The following OR3A2 variants were observed in gnomAD, a reference collection of about 807,000 sequenced individuals.
OR3A2 encodes the protein olfactory receptor family 3 subfamily A member 2.
For missense variants in OR3A2, 318 were observed against 392.8 expected (o/e 0.81, Z 1.61); for synonymous variants, 126 against 159.3 (o/e 0.79, Z 1.57).
chr17:3,308,998 C>G (rs551246404), intron 3 of OR3A2, among the ~76,000 whole-genome samples: 1 of 152,104 alleles, frequency 6.6e-6, no homozygotes, highest in Non-Finnish European at 1.5e-5. Context: ...CTCCACCTCC[C>G]AGGTTCAAGC....
At chr17:3,377,550 C>T (rs969625092) in intron 2 of OR3A2, 1 of 152,076 alleles carries the variant, frequency 6.6e-6, no homozygotes, top group Non-Finnish European at 1.5e-5. Context: ...GCGTTTGTTC[C>T]TCGGGCTTTA....
intron 3 of OR3A2, among the ~76,000 whole-genome samples, chr17:3,314,947 C>A (rs1041219424): frequency 6.6e-6 from 1 of 152,286 alleles, no homozygotes; most frequent in Non-Finnish European, 1.5e-5. Context: ...ATTTTATTTT[C>A]TCTTTCTGCA....
intron 2 of OR3A2, among the ~76,000 whole-genome samples, chr17:3,356,740 AACAG>A (rs200671073): frequency 0.019 from 2,867 of 151,704 alleles, 70 homozygotes; most frequent in Middle Eastern, 0.078. Flanking sequence ...TGTCCCACTT[AACAG>A]ACAAAGACTC....
intron 2 of OR3A2, among the ~76,000 whole-genome samples, chr17:3,348,087 G>C (rs1322669592): frequency 6.6e-6 from 1 of 152,014 alleles, no homozygotes; most frequent in Non-Finnish European, 1.5e-5. Context: ...CTTTTTGATG[G>C]GGTTGTTTGT....
At position 3,371,918 on chromosome 17, in the gene OR3A2, C is replaced by A. The variant is rs1424839942; in HGVS notation, c.-179+11886G>T. ...CTCCCGGACGGGGCGGCTGGCCGGG[C>A]GGGGGCTGACCCCCACCTCCCTCCC... On this transcript the variant is annotated intron_variant, in intron 2 of 4. Transcript: ENST00000573491. 5.8e-5 allele frequency among the ~76,000 whole-genome samples: 8 copies of A among 136,800 alleles called. No homozygotes were observed. In the East Asian group the frequency reaches 2.0e-3, roughly 34 times the overall value. 89.7% of individuals were successfully genotyped at this position (136,800 alleles called of 152,430 possible).
At chr17:3,309,979 C>T (rs1344333085) in intron 3 of OR3A2, 1 of 212,080 alleles carries the variant, frequency 4.7e-6, no homozygotes, top group African/African-American at 2.3e-5. Flanking sequence ...CTTGGGGTTT[C>T]CTCCCAGAAC....
intron 3 of OR3A2, among the ~76,000 whole-genome samples, chr17:3,299,194 C>T (rs1178836498): frequency 1.3e-5 from 2 of 152,206 alleles, no homozygotes; most frequent in Non-Finnish European, 2.9e-5. Flanking sequence ...AGTATCCAGA[C>T]AGAGCGTTGT....
chr17:3,299,918 C>A (rs765776094), intron 3 of OR3A2, among the ~76,000 whole-genome samples: 7 of 152,052 alleles, frequency 4.6e-5, no homozygotes, highest in Non-Finnish European at 8.8e-5. Flanking sequence ...AATAAAATGG[C>A]AATCATTAAT....
At chr17:3,287,290 G>T (rs2048822057), upstream of OR3A2, among the ~76,000 whole-genome samples, 1 of 140,572 alleles carries the variant, frequency 7.1e-6, no homozygotes, top group African/African-American at 2.6e-5. Context: ...GTCAGGTCAG[G>T]GTGTTTAGGG....
chr17:3,333,929 CA>C (rs2049258883), intron 3 of OR3A2, among the ~76,000 whole-genome samples: 1 of 152,022 alleles, frequency 6.6e-6, no homozygotes, highest in South Asian at 2.1e-4. Context: ...CCAACCCCAT[CA>C]AAAAGTGGGC....
upstream of OR3A2, among the ~76,000 whole-genome samples, chr17:3,288,773 T>C (rs567745887): frequency 6.6e-6 from 1 of 152,206 alleles, no homozygotes; most frequent in African/African-American, 2.4e-5. Context: ...ACTTTAACTT[T>C]GCATTTGTAT....
intron 3 of OR3A2, among the ~76,000 whole-genome samples, chr17:3,302,617 T>A (rs1394205554): frequency 6.6e-6 from 1 of 152,248 alleles, no homozygotes; most frequent in African/African-American, 2.4e-5. Flanking sequence ...CAATTTGGGC[T>A]TTATTCTTTA....
chr17:3,310,280 C>T (rs749120717), intron 3 of OR3A2: 1 of 518,218 alleles, frequency 1.9e-6, no homozygotes, highest in Non-Finnish European at 4.0e-6. Context: ...CCATCTAACA[C>T]TGCTCAGTCC....
chr17:3,318,153 C>G (rs2049092499), intron 3 of OR3A2, among the ~76,000 whole-genome samples: 2 of 152,114 alleles, frequency 1.3e-5, no homozygotes, highest in Admixed American at 1.3e-4. Context: ...CTTACAAGTT[C>G]CACAAACAGA....
At chr17:3,282,631 C>T (rs2048784529) in intron 1 of OR3A2, among the ~76,000 whole-genome samples, 1 of 152,160 alleles carries the variant, frequency 6.6e-6, no homozygotes, top group Non-Finnish European at 1.5e-5. Flanking sequence ...CCAAGAGGTC[C>T]TTAAAGTTCT....
intron 2 of OR3A2, among the ~76,000 whole-genome samples, chr17:3,361,400 CTTTA>C (rs758970274): frequency 2.4e-4 from 36 of 151,688 alleles, no homozygotes; most frequent in Non-Finnish European, 4.9e-4. Flanking sequence ...ACTGAATGTG[CTTTA>C]TTTCTTTCTC....
At chr17:3,287,584 T>A (rs948353365), upstream of OR3A2, among the ~76,000 whole-genome samples, 4 of 152,232 alleles carry the variant, frequency 2.6e-5, no homozygotes, top group Admixed American at 2.0e-4. Context: ...GATTTTCTTT[T>A]CTCTGGAGAA....
At chr17:3,317,839 C>T (rs2049090442) in intron 3 of OR3A2, among the ~76,000 whole-genome samples, 1 of 152,094 alleles carries the variant, frequency 6.6e-6, no homozygotes, top group Non-Finnish European at 1.5e-5. Flanking sequence ...CTCTACCCCT[C>T]CCGGCCAGTG....
At chr17:3,326,152 G>C (rs991282440) in intron 3 of OR3A2, among the ~76,000 whole-genome samples, 2 of 152,046 alleles carry the variant, frequency 1.3e-5, no homozygotes, top group Non-Finnish European at 1.5e-5. Context: ...AGTATATCAT[G>C]GTGTATATGT....
Sources: gnomAD v4.1 joint callset for allele counts (sites outside exome capture counted in the v4.1 genomes callset) on GRCh38, gnomAD v4.1.1 for gene constraint, MANE v1.5 for transcripts, NCBI Gene and HGNC (gene_info 2026-07-23, HGNC 2026-07-21) for gene names.